The following SLC10A7 variants were observed in gnomAD, a reference collection of about 807,000 sequenced individuals.
SLC10A7 encodes sodium/bile acid cotransporter 7.
Under a neutral mutation model 43.2 loss-of-function variants are expected in SLC10A7, and 29 were observed. The ratio of observed to expected loss-of-function variants is 0.67; its 90% CI spans 0.50 to 0.92. The LOEUF (loss-of-function observed/expected upper bound fraction) is 0.92, where lower values mean the gene tolerates loss of function less well. Ranked by LOEUF, SLC10A7 falls within the 40% of genes least tolerant of loss-of-function variation. SLC10A7 has a pLI of 0.00. For synonymous variants in SLC10A7, 152 were observed against 144.8 expected, an observed-to-expected ratio of 1.05 and a Z score of -0.35; for missense variants, 295 against 403.2, an observed-to-expected ratio of 0.73 and a Z score of 2.30.
chr4:146,323,296 C>A (rs1732865778), intron 6 of SLC10A7, among the ~76,000 whole-genome samples: 1 of 152,150 alleles, frequency 6.6e-6, no homozygotes, highest in Non-Finnish European at 1.5e-5. Context: ...GAAGTCCTTG[C>A]CCATGCCTAT....
rs556119279 is a variant in SLC10A7, at chr4:146,516,522, A to T, written c.183+516T>A. 1.0e-3 allele frequency among the ~76,000 whole-genome samples: 155 copies of T among 150,650 alleles called. 1 individual carries two copies. The highest frequency in any genetic ancestry group is 3.6e-3 in the African/African-American group (150 of 41,108). On this transcript the variant is annotated intron_variant, in intron 2 of 11. Coordinates refer to ENST00000335472, the MANE Select transcript of SLC10A7 (RefSeq NM_001029998.6). ...CATATACACATACATATATGTGTCA[A>T]ATGAAAAACATCAATATTTCTCTTA...
intron 5 of SLC10A7, among the ~76,000 whole-genome samples, chr4:146,359,374 G>A (rs971260461): frequency 2.0e-5 from 3 of 152,046 alleles, no homozygotes; most frequent in Non-Finnish European, 4.4e-5. Flanking sequence ...ATAAATAGAT[G>A]TTTTTAATTT....
Position 146,256,471 on chromosome 4 carries a change from C to G in SLC10A7, c.*20G>C. 1 of 1,613,552 alleles carries G rather than the reference C, an allele frequency of 6.2e-7. No homozygotes were observed. Among genetic ancestry groups the G allele is most frequent in the Non-Finnish European group, 8.5e-7 (1 of 1,179,510 alleles). On this transcript the variant is annotated 3_prime_UTR_variant, in exon 12 of 12. Transcript: ENST00000335472. ...AATCCTGTACATATATACATTGCTA[C>G]AGAAAGTCCACCTCCTTTGTTATAC...
chr4:146,256,375 TG>T lies in SLC10A7; in HGVS notation c.*115del. ...GCACTTAAACAGGATCTCATATTTT[TG>T]TGTAAAAAAATAAAATATGCATTGA... On this transcript the variant is annotated 3_prime_UTR_variant, in exon 12 of 12. Transcript: ENST00000335472. 3 of 959,034 alleles carry T rather than the reference TG, an allele frequency of 3.1e-6. No homozygotes were observed. The allele number at this position is 959,034 out of a possible 1,614,324, so 59.4% of individuals were successfully genotyped here.
intron 5 of SLC10A7, among the ~76,000 whole-genome samples, chr4:146,430,872 G>A (rs775813602): frequency 6.6e-6 from 1 of 152,018 alleles, no homozygotes; most frequent in Non-Finnish European, 1.5e-5. Flanking sequence ...CCCCTGATCA[G>A]TGCAGCTCGT....
chr4:146,265,064 G>A (rs952784813), intron 10 of SLC10A7, among the ~76,000 whole-genome samples: 1 of 152,020 alleles, frequency 6.6e-6, no homozygotes, highest in Non-Finnish European at 1.5e-5. Context: ...CTACTTATTC[G>A]ACTTCAGTAA....
intron 3 of SLC10A7, among the ~76,000 whole-genome samples, chr4:146,505,661 T>G (rs1441572501): frequency 6.6e-6 from 1 of 152,220 alleles, no homozygotes; most frequent in African/African-American, 2.4e-5. Flanking sequence ...AAACCCATTT[T>G]ATGGAATTTC....
intron 4 of SLC10A7, among the ~76,000 whole-genome samples, chr4:146,482,026 G>C (rs1344998952): frequency 6.6e-6 from 1 of 152,118 alleles, no homozygotes; most frequent in Non-Finnish European, 1.5e-5. Context: ...TAAAGAAGCT[G>C]TACAAAGATT....
chr4:146,339,324 G>A (rs4835297), intron 5 of SLC10A7, among the ~76,000 whole-genome samples: 33,890 of 151,806 alleles, frequency 0.22, 4,041 homozygotes, highest in African/African-American at 0.31. Context: ...GTTAGATCTA[G>A]CTGTGACGAT....
intron 5 of SLC10A7, among the ~76,000 whole-genome samples, chr4:146,377,898 A>G (rs1737319450): frequency 1.3e-5 from 2 of 152,240 alleles, no homozygotes; most frequent in African/African-American, 4.8e-5. Flanking sequence ...TCATAGGTTT[A>G]TATGCCAGTA....
intron 10 of SLC10A7, among the ~76,000 whole-genome samples, chr4:146,260,202 TA>T (rs33992286): frequency 0.56 from 84,961 of 151,530 alleles, 24,301 homozygotes; most frequent in East Asian, 0.82. Context: ...GGCCTTTTTT[TA>T]AAAAAAAGCT....
chr4:146,359,938 C>A (rs945408005), intron 5 of SLC10A7, among the ~76,000 whole-genome samples: 1 of 152,048 alleles, frequency 6.6e-6, no homozygotes, highest in African/African-American at 2.4e-5. Flanking sequence ...TGTTTCCAGT[C>A]CCACTCTGCA....
intron 4 of SLC10A7, among the ~76,000 whole-genome samples, chr4:146,491,190 G>A (rs547399407): frequency 6.6e-6 from 1 of 152,158 alleles, no homozygotes; most frequent in Admixed American, 6.5e-5. Flanking sequence ...GGGATGAGGA[G>A]GTCCTTACTG....
chr4:146,331,881 G>C (rs182545678), intron 5 of SLC10A7, among the ~76,000 whole-genome samples: 337 of 152,180 alleles, frequency 2.2e-3, no homozygotes, highest in Non-Finnish European at 4.1e-3. Flanking sequence ...CAAATCCTAA[G>C]CAACAAATTA....
At chr4:146,326,288 A>T (rs956113258) in intron 5 of SLC10A7, among the ~76,000 whole-genome samples, 5 of 152,234 alleles carry the variant, frequency 3.3e-5, no homozygotes, top group Non-Finnish European at 5.9e-5. Flanking sequence ...TCATACAGAT[A>T]GAAGCTGGTG....
intron 6 of SLC10A7, among the ~76,000 whole-genome samples, chr4:146,325,484 G>A (rs569812063): frequency 6.6e-6 from 1 of 152,196 alleles, no homozygotes; most frequent in Non-Finnish European, 1.5e-5. Flanking sequence ...AATGGAGGAG[G>A]TGTTACTTCC....
At chr4:146,501,565 G>A (rs886453478) in intron 4 of SLC10A7, among the ~76,000 whole-genome samples, 4 of 152,136 alleles carry the variant, frequency 2.6e-5, no homozygotes, top group Admixed American at 2.0e-4. Context: ...TTCCATCCAG[G>A]GGGTAGACCT....
chr4:146,339,641 C>CAGATAGGGA (rs1734117919), intron 5 of SLC10A7, among the ~76,000 whole-genome samples: 1 of 151,906 alleles, frequency 6.6e-6, no homozygotes, highest in African/African-American at 2.4e-5. Flanking sequence ...GCTTCCTTCC[C>CAGATAGGGA]TATCTACCTC....
At chr4:146,320,551 C>T (rs1233935236) in intron 6 of SLC10A7, among the ~76,000 whole-genome samples, 1 of 151,906 alleles carries the variant, frequency 6.6e-6, no homozygotes, top group Non-Finnish European at 1.5e-5. Context: ...TTGAGGGATG[C>T]AGTTATGGGC....
Sources: allele counts gnomAD v4.1 joint callset (sites outside exome capture counted in the v4.1 genomes callset), GRCh38; gene constraint gnomAD v4.1.1; transcripts MANE v1.5; gene names NCBI Gene and HGNC (gene_info 2026-07-23, HGNC 2026-07-21).